The following TRAPPC3 variants were observed in gnomAD, a reference collection of about 807,000 sequenced individuals.
TRAPPC3 encodes trafficking protein particle complex subunit 3.
In TRAPPC3, 5 loss-of-function variants were observed where a neutral mutation model predicts 18.2. The observed-to-expected ratio is 0.28, with a 90% CI of 0.14 to 0.58. The LOEUF is 0.58. Among genes scored for constraint, TRAPPC3 ranks in the 20% least tolerant of loss-of-function variants. The pLI, the probability that TRAPPC3 is intolerant of heterozygous loss-of-function variation, is 0.91. For synonymous variants in TRAPPC3, 65 were observed against 84.2 expected (o/e 0.77, Z 1.25); for missense variants, 176 against 225.9 (o/e 0.78, Z 1.41).
At chr1:36,145,202 T>A (rs1220144405) in intron 1 of TRAPPC3, among the ~76,000 whole-genome samples, 1 of 151,566 alleles carries the variant, frequency 6.6e-6, no homozygotes, top group Non-Finnish European at 1.5e-5. Flanking sequence ...TTTGTATTTT[T>A]TTTCTTTTAG....
chr1:36,139,439 A>C, intron 3 of TRAPPC3: 1 of 329,426 alleles, frequency 3.0e-6, no homozygotes, highest in Non-Finnish European at 5.7e-6. Flanking sequence ...TACAGATGTG[A>C]GCCACCACGC....
rs762262870 is a variant in TRAPPC3, at chr1:36,137,789, C to T, written c.423+7G>A. The T allele has an allele frequency of 1.2e-6, 2 of 1,612,316 alleles. 1 individual carries two copies. The highest frequency in any genetic ancestry group is 2.2e-5 in the South Asian group (2 of 90,884). On this transcript the variant is annotated splice_region_variant and intron_variant, in intron 4 of 4. Coordinates refer to ENST00000373166, the MANE Select transcript of TRAPPC3 (RefSeq NM_014408.5). Reference sequence around the variant, plus strand: ...GGGTGTCCCAGAAGATAAAGAGTTGCACTCACCATCTCCAAAGCTCCCCGC... The same window carrying T: ...GGGTGTCCCAGAAGATAAAGAGTTGTACTCACCATCTCCAAAGCTCCCCGC...
chr1:36,149,448 T>C lies in TRAPPC3; in HGVS notation c.-70A>G. On this transcript the variant is annotated 5_prime_UTR_variant, in exon 1 of 5. Coordinates refer to ENST00000373166, the MANE Select transcript of TRAPPC3 (RefSeq NM_014408.5). Reference sequence around the variant, plus strand: ...GGCGACCCCTGCAGACGCCGGAGCCTAAGCCGCTGCCCCTCAGCCCACAAG... The same window carrying C: ...GGCGACCCCTGCAGACGCCGGAGCCCAAGCCGCTGCCCCTCAGCCCACAAG... The C allele has an allele frequency of 1.3e-6, 2 of 1,581,980 alleles. No individual in the cohort carries two copies. Among genetic ancestry groups the C allele is most frequent in the African/African-American group, 1.3e-5 (1 of 74,316 alleles).
chr1:36,150,655 C>T (rs1644261781), upstream of TRAPPC3, among the ~76,000 whole-genome samples: 1 of 152,216 alleles, frequency 6.6e-6, no homozygotes, highest in Non-Finnish European at 1.5e-5. Flanking sequence ...CCTCAGGGTG[C>T]AGGACCAATC....
chr1:36,142,776 T>C (rs999345347), intron 1 of TRAPPC3, among the ~76,000 whole-genome samples: 28 of 152,280 alleles, frequency 1.8e-4, no homozygotes, highest in African/African-American at 6.5e-4. Context: ...ATACTGGTAA[T>C]CCCGGCACTT....
chr1:36,139,632 AG>A (rs747108525), intron 3 of TRAPPC3, 87 bp downstream of exon 3: 603 of 1,545,110 alleles, frequency 3.9e-4, no homozygotes, highest in Non-Finnish European at 5.2e-4. Flanking sequence ...GGGAGATTAA[AG>A]GCCTCTCTAA....
At chr1:36,154,734 C>A (rs1188394994) in intron 1 of TRAPPC3, among the ~76,000 whole-genome samples, 1 of 152,204 alleles carries the variant, frequency 6.6e-6, no homozygotes, top group Admixed American at 6.5e-5. Context: ...CTTATTTAAT[C>A]TTTACAAAGA....
At chr1:36,143,296 A>G (rs545783364) in intron 1 of TRAPPC3, among the ~76,000 whole-genome samples, 1 of 152,302 alleles carries the variant, frequency 6.6e-6, no homozygotes, top group South Asian at 2.1e-4. Context: ...GGAAGGCCTC[A>G]CTAAGGTGAT....
intron 3 of TRAPPC3, among the ~76,000 whole-genome samples, chr1:36,139,156 A>AT (rs368101649): frequency 0.045 from 5,145 of 115,498 alleles, 452 homozygotes; most frequent in East Asian, 0.2. Flanking sequence ...GTGAGTCTGT[A>AT]TTTTTTTTTT....
chr1:36,140,490 T>C, intron 1 of TRAPPC3: 1 of 241,292 alleles, frequency 4.1e-6, no homozygotes, highest in Non-Finnish European at 7.9e-6. Flanking sequence ...GAATCTGGTA[T>C]GGGAGCAACG....
At chr1:36,149,168 G>C (rs574955659) in intron 1 of TRAPPC3, 169 bp downstream of exon 1, 18 of 1,467,292 alleles carry the variant, frequency 1.2e-5, no homozygotes, top group Admixed American at 7.3e-5. Context: ...CTTCTCCGAC[G>C]GTCCCCTCAC....
rs1644055972 is a variant in TRAPPC3 at position 36,138,306 on chromosome 1, T to C, written c.241-328A>G. ...TTCTCAGTGGAAGGGAGCACTAGTC[T>C]TTCGACACGGTGGCTGCCTGAGTGC... is the stretch of plus-strand genomic sequence containing the variant. On this transcript the variant is annotated intron_variant, in intron 3 of 4. Transcript: ENST00000373166. 2.6e-6 allele frequency: 4 copies of C among 1,517,198 alleles called. No individual in the cohort carries two copies. The East Asian group carries it at 9.8e-5, about 37-fold the overall frequency. 94.0% of individuals were successfully genotyped at this position (1,517,198 alleles called of 1,614,324 possible).
upstream of TRAPPC3, among the ~76,000 whole-genome samples, chr1:36,152,176 T>G (rs1228949940): frequency 6.6e-6 from 1 of 152,188 alleles, no homozygotes; most frequent in Non-Finnish European, 1.5e-5. Flanking sequence ...ACTCTCCCAG[T>G]GATTTCCTTC....
intron 1 of TRAPPC3, among the ~76,000 whole-genome samples, chr1:36,145,980 G>A (rs1296686792): frequency 2.5e-4 from 38 of 151,238 alleles, no homozygotes; most frequent in African/African-American, 3.6e-4. Flanking sequence ...GGGTTTCACC[G>A]TGTTAGCCAG....
At chr1:36,152,353 G>A (rs947175348), upstream of TRAPPC3, among the ~76,000 whole-genome samples, 2 of 150,274 alleles carry the variant, frequency 1.3e-5, no homozygotes, top group African/African-American at 2.5e-5. Flanking sequence ...CGTCGCCCAG[G>A]CTGGAGTGCA....
upstream of TRAPPC3, among the ~76,000 whole-genome samples, chr1:36,152,602 C>T (rs1036553826): frequency 6.6e-5 from 10 of 151,900 alleles, no homozygotes; most frequent in Non-Finnish European, 1.3e-4. Context: ...GAGCCACCCC[C>T]GCCTGGCCAA....
Position 36,137,025 on chromosome 1 carries a change from A to G in TRAPPC3, c.*178T>C. ...GACTGTCGCTCCTGAATGTGCACAC[A>G]TGGGGTAAATGGACTATATCGCAGT... On this transcript the variant is annotated 3_prime_UTR_variant, in exon 5 of 5. Transcript: ENST00000373166. 1 of 636,792 alleles carries G rather than the reference A, an allele frequency of 1.6e-6. No homozygotes were observed. Among genetic ancestry groups the G allele is most frequent in the East Asian group, 2.8e-5 (1 of 35,518 alleles). The allele number at this position is 636,792 out of a possible 1,614,324, so 39.4% of individuals were successfully genotyped here.
At chr1:36,147,975 ACTCAT>A (rs1333528810) in intron 1 of TRAPPC3, among the ~76,000 whole-genome samples, 2 of 152,174 alleles carry the variant, frequency 1.3e-5, no homozygotes, top group Admixed American at 6.5e-5. Flanking sequence ...GAAGACCTCT[ACTCAT>A]CTCATAGGAA....
chr1:36,154,770 A>G (rs1644302675), intron 1 of TRAPPC3, among the ~76,000 whole-genome samples: 1 of 152,002 alleles, frequency 6.6e-6, no homozygotes, highest in Non-Finnish European at 1.5e-5. Flanking sequence ...TGGCACTACT[A>G]TTTTTCTGAT....
Sources: gnomAD v4.1 joint callset for allele counts (sites outside exome capture counted in the v4.1 genomes callset) on GRCh38, gnomAD v4.1.1 for gene constraint, MANE v1.5 for transcripts, NCBI Gene and HGNC (gene_info 2026-07-23, HGNC 2026-07-21) for gene names.